The following COL6A2 variants were observed in gnomAD, a reference collection of about 807,000 sequenced individuals.
The protein encoded by COL6A2 is collagen alpha-2(VI) chain.
A neutral mutation model predicts 124.9 loss-of-function variants in COL6A2; 90 were observed. The observed-to-expected ratio is 0.72, with a 90% CI of 0.61 to 0.86. The LOEUF (loss-of-function observed/expected upper bound fraction) is 0.86, where lower values mean the gene tolerates loss of function less well. COL6A2 is among the 40% of genes least tolerant of loss of function. The pLI, the probability that COL6A2 is intolerant of heterozygous loss-of-function variation, is 0.00. For missense variants in COL6A2, 1,607 were observed against 1,502.5 expected, an observed-to-expected ratio of 1.07 and a Z score of -1.15; for synonymous variants, 793 against 618.2, an observed-to-expected ratio of 1.28 and a Z score of -4.19.
chr21:46,103,760 A>G (rs2078310382), intron 1 of COL6A2, among the ~76,000 whole-genome samples: 1 of 152,180 alleles, frequency 6.6e-6, no homozygotes, highest in Non-Finnish European at 1.5e-5. Flanking sequence ...GATATCTTGT[A>G]TGATGTAGAT....
chr21:46,116,930 C>CAT lies in COL6A2; in HGVS notation c.999+117_999+118insTA. On this transcript the variant is annotated intron_variant, in intron 10 of 27. Transcript: ENST00000300527. This position sits in a 1 kb window ranked among gnomAD's most constrained non-coding sequence, Gnocchi z 4.6. Reference sequence around the variant, plus strand: ...TTACACATGTGTACACACGCATACACACACACACACACACACACACACACA... The same window carrying CAT: ...TTACACATGTGTACACACGCATACACATACACACACACACACACACACACACA... The CAT allele has an allele frequency of 1.6e-6, 1 of 633,466 alleles. No homozygotes were observed. The highest frequency in any genetic ancestry group is 2.2e-5 in the African/African-American group (1 of 45,790). The allele number at this position is 633,466 out of a possible 1,614,324, so 39.2% of individuals were successfully genotyped here.
Position 46,132,112 on chromosome 21 carries a change from A to G in COL6A2, c.2620A>G (p.Asn874Asp). ...GGCCCGGAGGGACGACGACCCTCTC[A>G]ACGCACGCGTGGCGCTGCTGCAGTT... ...TLARRDDDPL[N>D]ARVALLQFGG... The change falls in exon 28 of 28, where the codon AAC (asparagine) becomes GAC (aspartate). Residue 874 changes from asparagine to aspartate, a missense_variant. Physicochemically the swap from Asn to Asp is conservative, Grantham distance 23. Coordinates refer to ENST00000300527, the MANE Select transcript of COL6A2 (RefSeq NM_001849.4). The G allele has an allele frequency of 6.3e-7, 1 of 1,587,600 alleles. No homozygotes were observed. The highest frequency in any genetic ancestry group is 2.3e-5 in the East Asian group (1 of 42,968).
intron 21 of COL6A2, among the ~76,000 whole-genome samples, chr21:46,123,868 CAGAT>C (rs751634965): frequency 3.1e-5 from 4 of 129,696 alleles, no homozygotes; most frequent in East Asian, 2.3e-4. Context: ...AGTGGGTTGG[CAGAT>C]GGATGGATGG....
rs1324514933 is a variant in COL6A2, at chr21:46,117,330, G to C, written c.1000-70G>C. The C allele has an allele frequency of 2.7e-6, 4 of 1,493,690 alleles. No homozygotes were observed. In the East Asian group the frequency reaches 9.3e-5, roughly 35 times the overall value. 92.5% of individuals were successfully genotyped at this position (1,493,690 alleles called of 1,614,324 possible). A position where few individuals can be genotyped will look rare whatever the true frequency, so the allele number is the denominator to read the frequency against. ...TGCGGGGCAGAACCGGGTGGGCTGT[G>C]TCTTGGTCGTTGGCACACATGGACC... is the stretch of plus-strand genomic sequence containing the variant. On this transcript the variant is annotated intron_variant, in intron 10 of 27. Transcript: ENST00000300527.
At chr21:46,113,593 G>A (rs914475060) in intron 4 of COL6A2, 11 of 237,338 alleles carry the variant, frequency 4.6e-5, no homozygotes, top group African/African-American at 1.8e-4. Flanking sequence ...GATCGCTTTC[G>A]TATTGTTTTT....
chr21:46,118,612 A>G lies in COL6A2; in HGVS notation c.1117-2A>G. On this transcript the variant is annotated splice_acceptor_variant, in intron 12 of 27. Transcript: ENST00000300527. LOFTEE classifies it high-confidence loss of function. ...TGAGGCTGATTCTGCAAACCCTTCC[A>G]GGGGGACCCTGGCCGCCCAGGACGC... The G allele has an allele frequency of 6.2e-7, 1 of 1,612,424 alleles. No individual in the cohort carries two copies. The highest frequency in any genetic ancestry group is 8.5e-7 in the Non-Finnish European group (1 of 1,179,828).
intron 27 of COL6A2, chr21:46,128,873 CTACTG>C (rs772104871): frequency 1.9e-6 from 3 of 1,583,038 alleles, no homozygotes; most frequent in Non-Finnish European, 2.6e-6. Context: ...ACTGGAAGCC[CTACTG>C]GAGTTTGGCC....
chr21:46,132,625 C>T lies in COL6A2; in HGVS notation c.*73C>T. 1.4e-6 allele frequency: 2 copies of T among 1,413,256 alleles called. No individual in the cohort carries two copies. Among genetic ancestry groups the T allele is most frequent in the Non-Finnish European group, 1.9e-6 (2 of 1,033,970 alleles). The allele number at this position is 1,413,256 out of a possible 1,614,324, so 87.5% of individuals were successfully genotyped here. A position where few individuals can be genotyped will look rare whatever the true frequency, so the allele number is the denominator to read the frequency against. On this transcript the variant is annotated 3_prime_UTR_variant, in exon 28 of 28. Transcript: ENST00000300527. ...CATGGTGCTAAGCGGGCCCGGGTCC[C>T]ACACGGCCAGCACCGCTGCTCACTC...
intron 1 of COL6A2, among the ~76,000 whole-genome samples, chr21:46,098,597 G>A (rs1408496925): frequency 2.0e-5 from 3 of 151,840 alleles, no homozygotes; most frequent in African/African-American, 7.2e-5. Context: ...GCCCCGGCTG[G>A]CTGGGACCTC....
Position 46,125,457 on chromosome 21 carries a change from C to A in COL6A2, c.1817-8C>A, listed in dbSNP as rs750444649. 146 of 1,612,474 alleles carry A rather than the reference C, an allele frequency of 9.1e-5. 2 individuals carry two copies. The Middle Eastern group carries it at 9.9e-4, about 11-fold the overall frequency. On this transcript the variant is annotated splice_region_variant and splice_polypyrimidine_tract_variant and intron_variant, in intron 24 of 27. Transcript: ENST00000300527. ...CGGTACCCCCCGATGACCCTGCCAC[C>A]CCCCCAGACTGTGAGAAGCGCTGTG...
At chr21:46,127,381 G>A (rs1568942222) in intron 27 of COL6A2, among the ~76,000 whole-genome samples, 1 of 152,128 alleles carries the variant, frequency 6.6e-6, no homozygotes, top group Non-Finnish European at 1.5e-5. Context: ...GGGCCACTGA[G>A]CACATTCACA....
At chr21:46,109,008 C>G (rs910250497) in intron 1 of COL6A2, among the ~76,000 whole-genome samples, 3 of 151,966 alleles carry the variant, frequency 2.0e-5, no homozygotes, top group African/African-American at 7.3e-5. Context: ...GTTGTCTTGT[C>G]GGCGGGTTGT....
chr21:46,098,125 T>A lies in COL6A2; in HGVS notation c.-76T>A, dbSNP rs565698239. 2 of 151,908 alleles carry A rather than the reference T, an allele frequency of 1.3e-5. No individual in the cohort carries two copies. Among genetic ancestry groups the A allele is most frequent in the Admixed American group, 6.6e-5 (1 of 15,264 alleles). The allele number at this position is 151,908 out of a possible 1,614,324, so 9.4% of individuals were successfully genotyped here. A position where few individuals can be genotyped will look rare whatever the true frequency, so the allele number is the denominator to read the frequency against. On this transcript the variant is annotated 5_prime_UTR_variant, in exon 1 of 28. Coordinates refer to ENST00000300527, the MANE Select transcript of COL6A2 (RefSeq NM_001849.4). ...CCGCGGTTCCCTCCCTGCTGCTTAC[T>A]CGGCGCCCGCGCCTCGGGCCGTCGG... is the stretch of plus-strand genomic sequence containing the variant.
rs538274216 is a variant in COL6A2 at position 46,113,238 on chromosome 21, T to A, written c.735+414T>A. On this transcript the variant is annotated intron_variant, in intron 4 of 27. Transcript: ENST00000300527. ...CAGGAAGGGGAGCAGGCATCTGAGATCTCCCCCGTGAGGCTTCCTGCAAAA... is the reference window on the plus strand; with the variant it reads ...CAGGAAGGGGAGCAGGCATCTGAGAACTCCCCCGTGAGGCTTCCTGCAAAA... Among the ~76,000 whole-genome samples the A allele has an allele frequency of 2.0e-5, 3 of 152,098 alleles. No individual in the cohort carries two copies. The South Asian group carries it at 6.2e-4, about 32-fold the overall frequency.
At chr21:46,130,198 C>T (rs925021032) in intron 27 of COL6A2, among the ~76,000 whole-genome samples, 4 of 152,202 alleles carry the variant, frequency 2.6e-5, no homozygotes, top group Admixed American at 2.0e-4. Context: ...AGCTGCCTGC[C>T]AGCAGCCCTG....
intron 1 of COL6A2, among the ~76,000 whole-genome samples, chr21:46,108,800 T>C (rs1218438533): frequency 6.6e-6 from 1 of 152,212 alleles, no homozygotes; most frequent in Non-Finnish European, 1.5e-5. Context: ...TTTGTGATAA[T>C]GTTATGGGAT....
At chr21:46,124,412 C>T (rs2078627008) in intron 21 of COL6A2, among the ~76,000 whole-genome samples, 1 of 152,164 alleles carries the variant, frequency 6.6e-6, no homozygotes, top group Non-Finnish European at 1.5e-5. Context: ...GGACACCCAG[C>T]TCTGCCAGGC....
intron 27 of COL6A2, among the ~76,000 whole-genome samples, chr21:46,130,037 T>G (rs550796380): frequency 1.2e-4 from 18 of 152,240 alleles, no homozygotes; most frequent in African/African-American, 4.1e-4. Context: ...TGGGCACTAA[T>G]CCCGTGCATG....
chr21:46,121,951 G>T (rs1259398008), intron 18 of COL6A2, among the ~76,000 whole-genome samples, 157 bp from the exon 19 acceptor site: 1 of 152,162 alleles, frequency 6.6e-6, no homozygotes, highest in Non-Finnish European at 1.5e-5. Flanking sequence ...GGTGGACAGG[G>T]CGAGGTTGGC....
Sources: gnomAD v4.1 joint callset for allele counts (sites outside exome capture counted in the v4.1 genomes callset) on GRCh38, gnomAD v4.1.1 for gene constraint, Gnocchi (gnomAD v3.1) non-coding constraint, MANE v1.5 for transcripts, NCBI Gene and HGNC (gene_info 2026-07-23, HGNC 2026-07-21) for gene names.